The following ME3 variants were observed in gnomAD, a reference collection of about 807,000 sequenced individuals.
ME3 encodes NADP-dependent malic enzyme, mitochondrial.
Under a neutral mutation model 68.9 loss-of-function variants are expected in ME3, and 48 were observed. The ratio of observed to expected loss-of-function variants is 0.70; its 90% confidence interval spans 0.55 to 0.89. ME3 has a LOEUF of 0.89. Ranked by LOEUF, ME3 falls within the 40% of genes least tolerant of loss-of-function variation. The pLI is 0.00. For missense variants in ME3, 675 were observed against 797.4 expected (o/e 0.85, Z 1.85); for synonymous variants, 320 against 318.8 (o/e 1.00, Z -0.04).
chr11:86,628,857 A>G (rs1565237082), intron 2 of ME3, among the ~76,000 whole-genome samples: 1 of 152,234 alleles, frequency 6.6e-6, no homozygotes, highest in Non-Finnish European at 1.5e-5. Context: ...AAAGTCTATG[A>G]GGAAGGAGAA....
At chr11:86,590,432 T>C (rs1958991364) in intron 2 of ME3, among the ~76,000 whole-genome samples, 1 of 152,216 alleles carries the variant, frequency 6.6e-6, no homozygotes, top group African/African-American at 2.4e-5. Context: ...AAGGAGAGAA[T>C]AGATCTCCCT....
At chr11:86,494,791 T>C (rs2138991408) in intron 6 of ME3, among the ~76,000 whole-genome samples, 1 of 152,306 alleles carries the variant, frequency 6.6e-6, no homozygotes. Context: ...TTTGTCTCCC[T>C]CAGGCTCAGC....
At chr11:86,557,153 T>C (rs901364952) in intron 3 of ME3, among the ~76,000 whole-genome samples, 9 of 152,144 alleles carry the variant, frequency 5.9e-5, no homozygotes, top group Non-Finnish European at 1.3e-4. Flanking sequence ...CATAATAATA[T>C]TCTGGAGGTG....
intron 2 of ME3, among the ~76,000 whole-genome samples, chr11:86,636,997 C>T (rs555305630): frequency 1.3e-5 from 2 of 151,988 alleles, no homozygotes; most frequent in Admixed American, 6.6e-5. Flanking sequence ...TGGACAAGTG[C>T]GTTAAGAATC....
intron 2 of ME3, among the ~76,000 whole-genome samples, chr11:86,671,440 T>C (rs540151667): frequency 6.6e-6 from 1 of 152,242 alleles, no homozygotes; most frequent in Non-Finnish European, 1.5e-5. Flanking sequence ...TTAAATGAAC[T>C]GCCCAAGACC....
chr11:86,549,891 A>C (rs1427193658), intron 4 of ME3, among the ~76,000 whole-genome samples: 1 of 152,130 alleles, frequency 6.6e-6, no homozygotes, highest in Non-Finnish European at 1.5e-5. Context: ...TTGGAGATGG[A>C]GGTTCTGTTA....
At chr11:86,602,732 G>A (rs566556129) in intron 2 of ME3, among the ~76,000 whole-genome samples, 1 of 152,262 alleles carries the variant, frequency 6.6e-6, no homozygotes, top group African/African-American at 2.4e-5. Flanking sequence ...AACCAAAACA[G>A]CATGGGAACC....
intron 4 of ME3, among the ~76,000 whole-genome samples, chr11:86,548,574 T>C (rs932096045): frequency 1.3e-5 from 2 of 152,222 alleles, no homozygotes; most frequent in African/African-American, 4.8e-5. Context: ...CTGCAAGCTT[T>C]TTCTTGTCAG....
intron 2 of ME3, among the ~76,000 whole-genome samples, chr11:86,630,197 A>G (rs908425956): frequency 3.9e-5 from 6 of 152,222 alleles, no homozygotes; most frequent in African/African-American, 1.4e-4. Flanking sequence ...CATGCTAATA[A>G]CATATGAGCT....
At chr11:86,563,562 G>A (rs1957339923) in intron 2 of ME3, among the ~76,000 whole-genome samples, 2 of 152,074 alleles carry the variant, frequency 1.3e-5, no homozygotes, top group South Asian at 2.1e-4. Flanking sequence ...TGTTGTCTTT[G>A]AGGATTTTTT....
intron 14 of ME3, 99 bp from the exon 15 acceptor site, chr11:86,441,539 A>T (rs1948997579): frequency 1.7e-6 from 2 of 1,193,246 alleles, no homozygotes; most frequent in Non-Finnish European, 2.3e-6. Flanking sequence ...CACCTTAAGG[A>T]ACCAGACTTG....
intron 4 of ME3, among the ~76,000 whole-genome samples, chr11:86,549,742 C>T (rs1280873657): frequency 1.3e-5 from 2 of 152,054 alleles, no homozygotes; most frequent in Admixed American, 6.5e-5. Context: ...AGTGAGACTT[C>T]TGTGTAGTGA....
At chr11:86,487,586 G>A (rs955637830) in intron 6 of ME3, 146 bp from the exon 7 acceptor site, 5 of 649,218 alleles carry the variant, frequency 7.7e-6, no homozygotes, top group South Asian at 1.9e-5. Context: ...CCCCGCCCAG[G>A]TGTCATTTCT....
In ME3 at chr11:86,497,933, C is replaced by T. The variant is rs1372605064; in HGVS notation, c.705+30G>A. ...CTGTCCCAGTTGCCACCTTTTGGCC[C>T]CAGAGCTCCTGCCCTGGGCAGTGGG... On this transcript the variant is annotated intron_variant, in intron 6 of 14. Coordinates refer to ENST00000543262, the Ensembl canonical transcript of ME3. The T allele has an allele frequency of 5.2e-6, 8 of 1,552,120 alleles. No homozygotes were observed. The Admixed American group carries it at 1.3e-4, about 25-fold the overall frequency.
At chr11:86,541,348 G>C (rs1956036999) in intron 4 of ME3, among the ~76,000 whole-genome samples, 1 of 152,172 alleles carries the variant, frequency 6.6e-6, no homozygotes, top group African/African-American at 2.4e-5. Context: ...AAGTGGTCTA[G>C]CTCAGTGGAT....
At chr11:86,475,906 G>GAA (rs1174188521) in intron 7 of ME3, among the ~76,000 whole-genome samples, 3 of 148,500 alleles carry the variant, frequency 2.0e-5, no homozygotes. Flanking sequence ...GAGAGAAAGA[G>GAA]AAAGAGAGAG....
chr11:86,467,037 A>T (rs1009116126), intron 7 of ME3, among the ~76,000 whole-genome samples: 1 of 152,190 alleles, frequency 6.6e-6, no homozygotes, highest in Non-Finnish European at 1.5e-5. Flanking sequence ...CTGAGGCATA[A>T]TTGACAAATA....
intron 2 of ME3, among the ~76,000 whole-genome samples, chr11:86,574,406 G>T (rs1479851528): frequency 2.0e-5 from 3 of 148,860 alleles, no homozygotes; most frequent in African/African-American, 5.0e-5. Flanking sequence ...CCGGGGGGGG[G>T]GGGGGTGTCT....
chr11:86,512,472 A>T (rs1390675183), intron 4 of ME3, among the ~76,000 whole-genome samples: 1 of 152,244 alleles, frequency 6.6e-6, no homozygotes, highest in Non-Finnish European at 1.5e-5. Context: ...TAGATGTGCA[A>T]TGCACAATTT....
Sources: allele counts gnomAD v4.1 joint callset (sites outside exome capture counted in the v4.1 genomes callset), GRCh38; gene constraint gnomAD v4.1.1; transcripts MANE v1.5; gene names NCBI Gene and HGNC (gene_info 2026-07-23, HGNC 2026-07-21).